AGK: variants seen among roughly 807,000 people sequenced by gnomAD.
The protein encoded by AGK is acylglycerol kinase, also known as acylglycerol kinase, mitochondrial.
Under a neutral mutation model 66.4 loss-of-function variants are expected in AGK, and 52 were observed. That is an observed-to-expected ratio of 0.78 (90% CI 0.63 to 0.99). The LOEUF (loss-of-function observed/expected upper bound fraction) is 0.99. Among genes scored for constraint, AGK ranks in the 50% least tolerant of loss-of-function variants. AGK has a pLI of 0.00. For synonymous variants in AGK, 182 were observed against 181.1 expected, an observed-to-expected ratio of 1.00 and a Z score of -0.04; for missense variants, 451 against 506.6, an observed-to-expected ratio of 0.89 and a Z score of 1.05.
At chr7:141,624,693 T>G (rs1421917292) in intron 9 of AGK, among the ~76,000 whole-genome samples, 1 of 152,206 alleles carries the variant, frequency 6.6e-6, no homozygotes, top group Non-Finnish European at 1.5e-5. Flanking sequence ...TTCTTATGGA[T>G]GAGCAAAGAA....
chr7:141,602,277 C>T (rs1423769078), intron 5 of AGK, among the ~76,000 whole-genome samples: 1 of 151,534 alleles, frequency 6.6e-6, no homozygotes, highest in Non-Finnish European at 1.5e-5. Context: ...CAAGTGATCC[C>T]CCCCACCTTG....
At chr7:141,613,809 G>T (rs932786617) in intron 6 of AGK, among the ~76,000 whole-genome samples, 1 of 152,124 alleles carries the variant, frequency 6.6e-6, no homozygotes, top group African/African-American at 2.4e-5. Flanking sequence ...GTACTTCATA[G>T]TGGTAAACTA....
chr7:141,585,159 G>T (rs1322257639), intron 2 of AGK, among the ~76,000 whole-genome samples: 1 of 152,122 alleles, frequency 6.6e-6, no homozygotes, highest in African/African-American at 2.4e-5. Flanking sequence ...TATCCAAATG[G>T]AGATTCTGTC....
chr7:141,561,139 A>G (rs1333809001), intron 2 of AGK, among the ~76,000 whole-genome samples: 1 of 152,192 alleles, frequency 6.6e-6, no homozygotes, highest in Non-Finnish European at 1.5e-5. Flanking sequence ...CATGGTGTAT[A>G]TATACCACAT....
chr7:141,563,997 G>A (rs1394346049), intron 2 of AGK, among the ~76,000 whole-genome samples: 1 of 152,144 alleles, frequency 6.6e-6, no homozygotes, highest in African/African-American at 2.4e-5. Flanking sequence ...ATCTCGCTCT[G>A]TCACCCAGGC....
intron 4 of AGK, chr7:141,596,915 C>T (rs975009336): frequency 2.3e-5 from 9 of 388,210 alleles, no homozygotes; most frequent in Non-Finnish European, 4.2e-5. Flanking sequence ...GTAGTCCCCT[C>T]GGGAGCGACT....
intron 8 of AGK, among the ~76,000 whole-genome samples, chr7:141,618,124 GA>G (rs1356370219): frequency 6.6e-6 from 1 of 152,198 alleles, no homozygotes; most frequent in African/African-American, 2.4e-5. Flanking sequence ...AACTTTGTTA[GA>G]AACACTGGTT....
chr7:141,612,458 G>C (rs1274178434), intron 6 of AGK, among the ~76,000 whole-genome samples: 1 of 152,146 alleles, frequency 6.6e-6, no homozygotes, highest in African/African-American at 2.4e-5. Context: ...ATACACAAAT[G>C]TATAAGTGTT....
chr7:141,615,410 C>T (rs1796681816), intron 7 of AGK, 61 bp from the exon 8 acceptor site: 2 of 1,389,346 alleles, frequency 1.4e-6, no homozygotes, highest in African/African-American at 1.4e-5. Flanking sequence ...ACCTGTGCTT[C>T]TCCATTAAGC....
intron 5 of AGK, among the ~76,000 whole-genome samples, chr7:141,604,374 G>GTATGTA (rs1554400831): frequency 1.8e-5 from 2 of 113,826 alleles, no homozygotes; most frequent in African/African-American, 3.4e-5. Flanking sequence ...GTGTGTGTGT[G>GTATGTA]TATATATATA....
In AGK at chr7:141,619,685, GCAAA is replaced by G. The variant is rs147226540; in HGVS notation, c.519-2042_519-2039del. ...ACAGCATAAACAAGAAAAAAAAAAA[GCAAA>G]CAAAAACCCGTCAAATAAATGCAGC... On this transcript the variant is annotated intron_variant, in intron 8 of 15. Transcript: ENST00000649286. Among the ~76,000 whole-genome samples the G allele has an allele frequency of 5.1e-3, 759 of 149,230 alleles. 9 individuals are homozygous for G. The highest frequency in any genetic ancestry group is 0.018 in the African/African-American group (717 of 40,652).
rs1277301568 is a variant in AGK, at chr7:141,654,625, T to C, written c.*1701T>C. ...TTTTACTATCGCTGACATTTTCCTT[T>C]GTTCAGTGGCCCTGAGGTTCTTACA... is the stretch of plus-strand genomic sequence containing the variant. On this transcript the variant is annotated 3_prime_UTR_variant, in exon 16 of 16. Transcript: ENST00000649286. 1 of 152,244 alleles carries C rather than the reference T, an allele frequency of 6.6e-6. No individual in the cohort carries two copies. The highest frequency in any genetic ancestry group is 2.4e-5 in the African/African-American group (1 of 41,454). 9.4% of individuals were successfully genotyped at this position (152,244 alleles called of 1,614,324 possible). A position where few individuals can be genotyped will look rare whatever the true frequency, so the allele number is the denominator to read the frequency against.
At chr7:141,588,634 A>G (rs911232015) in intron 2 of AGK, among the ~76,000 whole-genome samples, 1 of 151,996 alleles carries the variant, frequency 6.6e-6, no homozygotes, top group African/African-American at 2.4e-5. Flanking sequence ...AAAAAAAGAA[A>G]GTAAAAGATT....
chr7:141,641,747 C>T (rs562669676), intron 12 of AGK, 64 bp from the exon 13 acceptor site: 72 of 1,346,444 alleles, frequency 5.3e-5, no homozygotes, highest in Non-Finnish European at 6.5e-5. Context: ...AGCAGCTAGC[C>T]GTCCGTGGTG....
At chr7:141,634,774 T>C (rs1031448569) in intron 10 of AGK, among the ~76,000 whole-genome samples, 15 of 152,012 alleles carry the variant, frequency 9.9e-5, no homozygotes, top group Admixed American at 7.9e-4. Flanking sequence ...TTGTGGCTGA[T>C]CTCACACATA....
In AGK at chr7:141,653,919, C is replaced by A. The variant is rs1331874553; in HGVS notation, c.*995C>A. ...ATCACTATTTTAAACATATCCAGTA[C>A]AATTTAAATATCACAACAATTTGAC... On this transcript the variant is annotated 3_prime_UTR_variant, in exon 16 of 16. Transcript: ENST00000649286. The A allele has an allele frequency of 2.6e-5, 4 of 152,166 alleles. No homozygotes were observed. Among genetic ancestry groups the A allele is most frequent in the South Asian group, 2.1e-4 (1 of 4,830 alleles). The allele number at this position is 152,166 out of a possible 1,614,324, so 9.4% of individuals were successfully genotyped here.
chr7:141,643,899 G>C (rs984500903), intron 13 of AGK, among the ~76,000 whole-genome samples: 1 of 152,098 alleles, frequency 6.6e-6, no homozygotes, highest in Admixed American at 6.6e-5. Context: ...TGGGAATATA[G>C]ATTGGAACAT....
Position 141,575,266 on chromosome 7 carries a change from A to G in AGK, c.102-17880A>G, listed in dbSNP as rs77949645. Reference sequence around the variant, plus strand: ...GCCATGTTGAGAAGCAGGAGACTTCAGTTCTAGGCCTAAGCCTTTTAGTAA... The same window carrying G: ...GCCATGTTGAGAAGCAGGAGACTTCGGTTCTAGGCCTAAGCCTTTTAGTAA... On this transcript the variant is annotated intron_variant, in intron 2 of 15. Coordinates refer to ENST00000649286, the MANE Select transcript of AGK (RefSeq NM_018238.4). 9.1e-4 allele frequency among the ~76,000 whole-genome samples: 139 copies of G among 152,326 alleles called. 3 individuals are homozygous for G. The East Asian group carries it at 0.02, about 22-fold the overall frequency.
rs866842349 is a variant in AGK at position 141,642,049 on chromosome 7, T to C, written c.975+141T>C. 1.4e-5 allele frequency: 11 copies of C among 773,214 alleles called. No individual in the cohort carries two copies. The Middle Eastern group carries it at 2.2e-3, about 152-fold the overall frequency. 47.9% of individuals were successfully genotyped at this position (773,214 alleles called of 1,614,324 possible). ...CAGTGTCAGGAGAAAGAGGATGTGG[T>C]GTGCCTTTAAGGAATAACAGCAATG... is the stretch of plus-strand genomic sequence containing the variant. On this transcript the variant is annotated intron_variant, in intron 13 of 15. Transcript: ENST00000649286.
Sources: allele counts gnomAD v4.1 joint callset (sites outside exome capture counted in the v4.1 genomes callset), GRCh38; gene constraint gnomAD v4.1.1; transcripts MANE v1.5; gene names NCBI Gene and HGNC (gene_info 2026-07-23, HGNC 2026-07-21).